The following BLNK variants were observed in gnomAD, a reference collection of about 807,000 sequenced individuals.
BLNK encodes the protein B-cell linker protein.
Under a neutral mutation model 73.5 loss-of-function variants are expected in BLNK, and 29 were observed. That is an observed-to-expected ratio of 0.39 (90% CI 0.29 to 0.54). BLNK has a LOEUF of 0.54. Ranked by LOEUF, BLNK falls within the 20% of genes least tolerant of loss-of-function variation. The pLI, the probability that BLNK is intolerant of heterozygous loss-of-function variation, is 0.61. For synonymous variants in BLNK, 176 were observed against 200.8 expected (o/e 0.88, Z 1.04); for missense variants, 460 against 562.8 (o/e 0.82, Z 1.85).
chr10:96,249,333 A>C (rs1843180841), intron 1 of BLNK, among the ~76,000 whole-genome samples: 1 of 152,198 alleles, frequency 6.6e-6, no homozygotes, highest in Non-Finnish European at 1.5e-5. Flanking sequence ...GTGCGGTGGA[A>C]GGGTTACTTT....
chr10:96,196,857 A>G, intron 16 of BLNK, 51 bp downstream of exon 16: 1 of 1,559,616 alleles, frequency 6.4e-7, no homozygotes, highest in South Asian at 1.1e-5. Context: ...ATTTGATGTC[A>G]TTATACTCAA....
intron 3 of BLNK, among the ~76,000 whole-genome samples, chr10:96,235,647 A>C (rs1842663290): frequency 6.6e-6 from 1 of 152,208 alleles, no homozygotes; most frequent in Non-Finnish European, 1.5e-5. Flanking sequence ...GTTCAGAGAA[A>C]GGTGTGCCCA....
chr10:96,216,980 AC>A (rs2084082306), intron 6 of BLNK, among the ~76,000 whole-genome samples: 1 of 152,098 alleles, frequency 6.6e-6, no homozygotes, highest in African/African-American at 2.4e-5. Context: ...CTCCCCATCC[AC>A]CGCTTCCTTG....
In BLNK at chr10:96,190,097, A is replaced by G; in HGVS notation, c.*1876T>C. On this transcript the variant is annotated 3_prime_UTR_variant, in exon 17 of 17. Transcript: ENST00000224337. The stretch of plus-strand genomic sequence containing the variant: ...CCTAAACTGACCGTTCTTAAGGATA[A>G]CTGGTGCTCATTTTCATCATTATCC... 1.1e-6 allele frequency: 1 copy of G among 938,262 alleles called. No homozygotes were observed. Among genetic ancestry groups the G allele is most frequent in the African/African-American group, 1.6e-5 (1 of 62,642 alleles). The allele number at this position is 938,262 out of a possible 1,614,324, so 58.1% of individuals were successfully genotyped here.
intron 15 of BLNK, among the ~76,000 whole-genome samples, chr10:96,198,294 C>T (rs1423159097): frequency 1.3e-5 from 2 of 152,178 alleles, no homozygotes; most frequent in Admixed American, 6.5e-5. Context: ...AGATCCAAAA[C>T]GCATGTAAAT....
intron 4 of BLNK, among the ~76,000 whole-genome samples, chr10:96,229,654 C>CTGTGTGTGTGTGTGTGTGTGTG (rs10625497): frequency 4.2e-5 from 6 of 142,584 alleles, no homozygotes; most frequent in South Asian, 2.3e-4. Flanking sequence ...TTACATGTGG[C>CTGTGTGTGTGTGTGTGTGTGTG]TGTGTGTGTG....
intron 15 of BLNK, 66 bp from the exon 16 acceptor site, chr10:96,197,129 A>G (rs2083487880): frequency 7.3e-7 from 1 of 1,364,320 alleles, no homozygotes; most frequent in Admixed American, 2.2e-5. Context: ...AGGTTCAAAA[A>G]ATCATTTTGT....
Position 96,191,970 on chromosome 10 carries a change from C to A in BLNK, c.*3G>T. 1 of 1,613,210 alleles carries A rather than the reference C, an allele frequency of 6.2e-7. No homozygotes were observed. The highest frequency in any genetic ancestry group is 8.5e-7 in the Non-Finnish European group (1 of 1,179,536). On this transcript the variant is annotated 3_prime_UTR_variant, in exon 17 of 17. Coordinates refer to ENST00000224337, the MANE Select transcript of BLNK (RefSeq NM_013314.4). ...CAATGGTATTGATCTTTTTTTTCCC[C>A]CTTTATGAAACTTTAACTGCATACT...
In BLNK at chr10:96,271,458, G is replaced by A; in HGVS notation, c.-60C>T. 6.4e-7 allele frequency: 1 copy of A among 1,553,010 alleles called. No individual in the cohort carries two copies. The highest frequency in any genetic ancestry group is 8.9e-7 in the Non-Finnish European group (1 of 1,124,682). Reference sequence around the variant, plus strand: ...TCCAGTGGTCACGTCAGCAGTTCCTGGCCCTCCTAGGGAGCAGCATGGTAA... The same window carrying A: ...TCCAGTGGTCACGTCAGCAGTTCCTAGCCCTCCTAGGGAGCAGCATGGTAA... On this transcript the variant is annotated 5_prime_UTR_variant, in exon 1 of 17. Transcript: ENST00000224337.
At chr10:96,238,555 G>A (rs587695501) in intron 3 of BLNK, among the ~76,000 whole-genome samples, 1 of 152,294 alleles carries the variant, frequency 6.6e-6, no homozygotes, top group South Asian at 2.1e-4. Flanking sequence ...TTCAGGAGGA[G>A]CTCTCAGGGC....
chr10:96,190,261 A>C lies in BLNK; in HGVS notation c.*1712T>G, dbSNP rs1448199502. The C allele has an allele frequency of 6.9e-6, 5 of 719,992 alleles. No homozygotes were observed. In the African/African-American group the frequency reaches 8.6e-5, roughly 12 times the overall value. The allele number at this position is 719,992 out of a possible 1,614,324, so 44.6% of individuals were successfully genotyped here. ...CTTAGGTGGGAGAGAAAGCAGACGG[A>C]GATAAACGACCACTGCTCAAGAGAA... On this transcript the variant is annotated 3_prime_UTR_variant, in exon 17 of 17. Transcript: ENST00000224337.
intron 8 of BLNK, among the ~76,000 whole-genome samples, chr10:96,210,863 G>GTTTTTTTTT (rs377260098): frequency 2.5e-5 from 3 of 121,950 alleles, no homozygotes; most frequent in African/African-American, 6.6e-5. Flanking sequence ...CCACAATTCC[G>GTTTTTTTTT]TTTTTTTTTT....
chr10:96,233,710 C>T (rs1842594145), intron 3 of BLNK, among the ~76,000 whole-genome samples: 3 of 152,162 alleles, frequency 2.0e-5, no homozygotes. Flanking sequence ...TTTTCTGGGC[C>T]CTCTTGGAAG....
At chr10:96,204,308 T>C in intron 12 of BLNK, 1 of 701,052 alleles carries the variant, frequency 1.4e-6, no homozygotes. Context: ...ACTAAAGTAT[T>C]GTATTTTAGT....
At chr10:96,255,575 G>C (rs1843474290) in intron 1 of BLNK, among the ~76,000 whole-genome samples, 1 of 151,982 alleles carries the variant, frequency 6.6e-6, no homozygotes, top group Admixed American at 6.6e-5. Context: ...TCTGCATGTA[G>C]GAATGGATTA....
intron 8 of BLNK, among the ~76,000 whole-genome samples, chr10:96,214,777 C>G (rs782688582): frequency 4.6e-5 from 7 of 152,168 alleles, no homozygotes; most frequent in Non-Finnish European, 7.3e-5. Flanking sequence ...AAATCATTCT[C>G]TCTCCTCAGC....
chr10:96,194,960 G>A (rs1332566667), intron 16 of BLNK, among the ~76,000 whole-genome samples: 7 of 151,064 alleles, frequency 4.6e-5, no homozygotes, highest in Admixed American at 1.3e-4. Context: ...TAGTAGAGAC[G>A]GGGTTTCACC....
At chr10:96,198,675 T>C (rs1554895266) in intron 15 of BLNK, among the ~76,000 whole-genome samples, 1 of 152,174 alleles carries the variant, frequency 6.6e-6, no homozygotes, top group African/African-American at 2.4e-5. Context: ...TACTAGGATA[T>C]GAAAAAACAG....
intron 8 of BLNK, among the ~76,000 whole-genome samples, chr10:96,211,652 C>T (rs2083951669): frequency 6.6e-6 from 1 of 152,172 alleles, no homozygotes; most frequent in Admixed American, 6.5e-5. Context: ...AAGCAATGCC[C>T]CCTCCATGAC....
Sources: gnomAD v4.1 joint callset for allele counts (sites outside exome capture counted in the v4.1 genomes callset) on GRCh38, gnomAD v4.1.1 for gene constraint, MANE v1.5 for transcripts, NCBI Gene and HGNC (gene_info 2026-07-23, HGNC 2026-07-21) for gene names.